PPM1H: variants seen among roughly 807,000 people sequenced by gnomAD.
The protein encoded by PPM1H is protein phosphatase, Mg2+/Mn2+ dependent 1H, also known as protein phosphatase 1H.
A neutral mutation model predicts 54.9 loss-of-function variants in PPM1H; 27 were observed. That is an observed-to-expected ratio of 0.49 (90% CI 0.36 to 0.68). The LOEUF (loss-of-function observed/expected upper bound fraction) is 0.68. PPM1H is among the 30% of genes least tolerant of loss of function. The pLI is 0.00. For synonymous variants in PPM1H, 305 were observed against 270.8 expected (o/e 1.13, Z -1.24); for missense variants, 596 against 667.8 (o/e 0.89, Z 1.19).
At chr12:62,920,349 C>G (rs1222243734) in intron 1 of PPM1H, among the ~76,000 whole-genome samples, 2 of 152,048 alleles carry the variant, frequency 1.3e-5, no homozygotes, top group Non-Finnish European at 2.9e-5. Flanking sequence ...GTTGTTGAGA[C>G]AGGGTCTCAC....
chr12:62,736,232 C>T (rs2120521483), intron 5 of PPM1H, among the ~76,000 whole-genome samples: 1 of 152,282 alleles, frequency 6.6e-6, no homozygotes, highest in East Asian at 1.9e-4. Flanking sequence ...CTCTCCATTT[C>T]ACAAGTGATA....
chr12:62,715,852 G>A (rs1424054035), intron 6 of PPM1H, among the ~76,000 whole-genome samples: 1 of 152,134 alleles, frequency 6.6e-6, no homozygotes, highest in Non-Finnish European at 1.5e-5. Context: ...GGTCAGACTG[G>A]GGACTAGAAA....
At chr12:62,720,316 C>A (rs2076256794) in intron 5 of PPM1H, 27 bp from the exon 6 acceptor site, 7 of 1,471,610 alleles carry the variant, frequency 4.8e-6, no homozygotes, top group African/African-American at 2.8e-5. Flanking sequence ...AAAGAAAAAA[C>A]ACACACATAC....
chr12:62,775,074 T>A (rs879829696), intron 4 of PPM1H, among the ~76,000 whole-genome samples: 6 of 152,224 alleles, frequency 3.9e-5, no homozygotes, highest in Non-Finnish European at 7.3e-5. Flanking sequence ...ATTACTGTTA[T>A]TTTTTAAATC....
intron 3 of PPM1H, among the ~76,000 whole-genome samples, chr12:62,796,990 A>G (rs2076738089): frequency 6.6e-6 from 1 of 152,172 alleles, no homozygotes; most frequent in South Asian, 2.1e-4. Flanking sequence ...TTAGGATACA[A>G]AAAGATACTT....
intron 1 of PPM1H, among the ~76,000 whole-genome samples, chr12:62,917,799 G>T (rs1871669604): frequency 6.6e-6 from 1 of 152,042 alleles, no homozygotes; most frequent in South Asian, 2.1e-4. Flanking sequence ...TGCTGTAAAG[G>T]GTGGGGAGAG....
At chr12:62,676,645 G>T (rs546523391) in intron 8 of PPM1H, among the ~76,000 whole-genome samples, 110 of 152,304 alleles carry the variant, frequency 7.2e-4, no homozygotes, top group African/African-American at 2.6e-3. Context: ...GGCTGGGTGT[G>T]TGGGGGCTTG....
intron 9 of PPM1H, among the ~76,000 whole-genome samples, chr12:62,650,645 G>A (rs1236173403): frequency 6.6e-6 from 1 of 152,176 alleles, no homozygotes; most frequent in Admixed American, 6.5e-5. Context: ...CCGTATGGCT[G>A]GGAAAGTCTT....
At chr12:62,788,605 G>GT in intron 3 of PPM1H, 1 of 343,712 alleles carries the variant, frequency 2.9e-6, no homozygotes, top group South Asian at 5.5e-5. Context: ...CAAATAAAAT[G>GT]TAAGTTGTAT....
chr12:62,761,396 A>G (rs1338664168), intron 4 of PPM1H, among the ~76,000 whole-genome samples: 1 of 152,134 alleles, frequency 6.6e-6, no homozygotes, highest in Non-Finnish European at 1.5e-5. Context: ...GGAAAGATAT[A>G]CCCCTAATTG....
chr12:62,709,310 G>GT (rs1487711035), intron 6 of PPM1H, among the ~76,000 whole-genome samples: 106 of 152,272 alleles, frequency 7.0e-4, no homozygotes, highest in Admixed American at 1.0e-3. Flanking sequence ...TCCCCAAGAG[G>GT]TAACAGTAAA....
chr12:62,909,979 A>G (rs1031399130), intron 1 of PPM1H, among the ~76,000 whole-genome samples: 1 of 152,240 alleles, frequency 6.6e-6, no homozygotes, highest in Non-Finnish European at 1.5e-5. Context: ...AATAACATTA[A>G]TTGCAGAGAG....
chr12:62,669,613 CT>C (rs2136615136), intron 8 of PPM1H, among the ~76,000 whole-genome samples: 1 of 152,266 alleles, frequency 6.6e-6, no homozygotes, highest in East Asian at 1.9e-4. Flanking sequence ...AATGTCACCC[CT>C]GGGCTCCTAG....
chr12:62,737,653 G>A, intron 4 of PPM1H, 67 bp from the exon 5 acceptor site: 1 of 1,160,088 alleles, frequency 8.6e-7, no homozygotes, highest in Non-Finnish European at 1.2e-6. Flanking sequence ...TACAACCATT[G>A]CTTGGTTCAG....
At chr12:62,793,091 T>C (rs1161320655) in intron 3 of PPM1H, among the ~76,000 whole-genome samples, 1 of 152,196 alleles carries the variant, frequency 6.6e-6, no homozygotes, top group Non-Finnish European at 1.5e-5. Context: ...TGATTTAGAA[T>C]ATCTCCCTAT....
intron 4 of PPM1H, among the ~76,000 whole-genome samples, chr12:62,766,402 T>A (rs775676801): frequency 2.6e-5 from 4 of 151,150 alleles, no homozygotes; most frequent in Non-Finnish European, 5.9e-5. Flanking sequence ...ACTAGAAAGA[T>A]CACAGGAAGG....
At chr12:62,784,681 G>C (rs2076660485) in intron 4 of PPM1H, among the ~76,000 whole-genome samples, 1 of 152,172 alleles carries the variant, frequency 6.6e-6, no homozygotes, top group South Asian at 2.1e-4. Context: ...AGTGATAATG[G>C]ACCTACATTT....
At chr12:62,715,988 GATC>G (rs1184074859) in intron 6 of PPM1H, among the ~76,000 whole-genome samples, 1 of 152,158 alleles carries the variant, frequency 6.6e-6, no homozygotes, top group African/African-American at 2.4e-5. Flanking sequence ...GAAACTGAAT[GATC>G]ATGTCTAATT....
intron 8 of PPM1H, among the ~76,000 whole-genome samples, chr12:62,683,311 G>A (rs925672625): frequency 6.6e-6 from 1 of 152,002 alleles, no homozygotes; most frequent in Non-Finnish European, 1.5e-5. Flanking sequence ...CTCTGACCAC[G>A]TACCACATCT....
Sources: gnomAD v4.1 joint callset for allele counts (sites outside exome capture counted in the v4.1 genomes callset) on GRCh38, gnomAD v4.1.1 for gene constraint, MANE v1.5 for transcripts, NCBI Gene and HGNC (gene_info 2026-07-23, HGNC 2026-07-21) for gene names.